SLC10A7: variants seen among roughly 807,000 people sequenced by gnomAD.
SLC10A7 encodes the protein solute carrier family 10 member 7, also known as sodium/bile acid cotransporter 7.
In SLC10A7, 29 loss-of-function variants were observed where a neutral mutation model predicts 43.2. The observed-to-expected ratio is 0.67, with a 90% CI of 0.50 to 0.92. The LOEUF is 0.92. SLC10A7 is among the 40% of genes least tolerant of loss of function. The pLI is 0.00. For synonymous variants in SLC10A7, 152 were observed against 144.8 expected, an observed-to-expected ratio of 1.05 and a Z score of -0.35; for missense variants, 295 against 403.2, an observed-to-expected ratio of 0.73 and a Z score of 2.30.
At chr4:146,443,844 T>A (rs1048645485) in intron 4 of SLC10A7, among the ~76,000 whole-genome samples, 2 of 152,194 alleles carry the variant, frequency 1.3e-5, no homozygotes, top group Admixed American at 6.5e-5. Flanking sequence ...CTATTCCAGT[T>A]CATAATTAAT....
At chr4:146,348,089 A>T (rs148678565) in intron 5 of SLC10A7, among the ~76,000 whole-genome samples, 1 of 152,172 alleles carries the variant, frequency 6.6e-6, no homozygotes, top group Non-Finnish European at 1.5e-5. Flanking sequence ...AAAATAACTA[A>T]TGGGGGTCAC....
At chr4:146,335,698 C>T (rs77777995) in intron 5 of SLC10A7, among the ~76,000 whole-genome samples, 9,614 of 151,996 alleles carry the variant, frequency 0.063, 396 homozygotes, top group South Asian at 0.18. Flanking sequence ...TATTTCCATA[C>T]AAGGAAATGA....
chr4:146,346,141 T>C (rs111297420), intron 5 of SLC10A7, among the ~76,000 whole-genome samples: 2,031 of 152,256 alleles, frequency 0.013, 15 homozygotes, highest in Non-Finnish European at 0.019. Flanking sequence ...TTCAAAATTA[T>C]TCCTCATAGA....
intron 5 of SLC10A7, among the ~76,000 whole-genome samples, chr4:146,365,346 G>A (rs1736320733): frequency 6.6e-6 from 1 of 151,878 alleles, no homozygotes; most frequent in Non-Finnish European, 1.5e-5. Context: ...ATTTTTATCT[G>A]GATACTTAAC....
chr4:146,257,983 G>A (rs1363452428), intron 11 of SLC10A7, among the ~76,000 whole-genome samples: 1 of 152,188 alleles, frequency 6.6e-6, no homozygotes, highest in Non-Finnish European at 1.5e-5. Context: ...ACTACTTTGT[G>A]AATAGACAAA....
At chr4:146,509,763 A>G (rs1012537452) in intron 3 of SLC10A7, 150 bp downstream of exon 3, 5 of 594,194 alleles carry the variant, frequency 8.4e-6, no homozygotes, top group African/African-American at 3.8e-5. Context: ...TTGATGAAAT[A>G]CTATTGTTTT....
chr4:146,461,016 C>T (rs1732482443), intron 4 of SLC10A7, among the ~76,000 whole-genome samples: 1 of 151,870 alleles, frequency 6.6e-6, no homozygotes, highest in Non-Finnish European at 1.5e-5. Flanking sequence ...GTTACTACTT[C>T]CTAACTAAGA....
chr4:146,303,614 A>T (rs1731314001), intron 7 of SLC10A7, among the ~76,000 whole-genome samples: 1 of 152,122 alleles, frequency 6.6e-6, no homozygotes, highest in Non-Finnish European at 1.5e-5. Context: ...TCCTGACCTC[A>T]GGTGATCCGC....
intron 7 of SLC10A7, among the ~76,000 whole-genome samples, chr4:146,301,957 A>G (rs913021207): frequency 1.3e-5 from 2 of 152,180 alleles, no homozygotes; most frequent in Admixed American, 6.5e-5. Flanking sequence ...AATTTACTGA[A>G]TACTTTACTA....
intron 5 of SLC10A7, chr4:146,442,038 AAT>A (rs1730642655): frequency 2.0e-6 from 2 of 977,642 alleles, no homozygotes; most frequent in Non-Finnish European, 2.4e-6. Context: ...CAAAAAATAC[AAT>A]ATGATAATTA....
intron 4 of SLC10A7, among the ~76,000 whole-genome samples, chr4:146,449,159 C>A (rs1206936041): frequency 2.0e-5 from 3 of 152,078 alleles, no homozygotes; most frequent in African/African-American, 7.2e-5. Context: ...ACATTCTCAC[C>A]CAGTGCATTT....
At chr4:146,353,972 T>C (rs369192492) in intron 5 of SLC10A7, among the ~76,000 whole-genome samples, 1 of 146,362 alleles carries the variant, frequency 6.8e-6, no homozygotes, top group Non-Finnish European at 1.5e-5. Flanking sequence ...CTTTGAAAAC[T>C]GGCACAAGAC....
At chr4:146,375,823 C>G (rs542360322) in intron 5 of SLC10A7, among the ~76,000 whole-genome samples, 1 of 152,150 alleles carries the variant, frequency 6.6e-6, no homozygotes, top group Admixed American at 6.5e-5. Context: ...AATTCTATTC[C>G]GGCACTTGGT....
intron 1 of SLC10A7, among the ~76,000 whole-genome samples, chr4:146,521,275 T>C (rs926704532): frequency 6.6e-6 from 1 of 151,892 alleles, no homozygotes; most frequent in Non-Finnish European, 1.5e-5. Context: ...CACTCCAAGA[T>C]AGATACGGAA....
At chr4:146,446,616 T>C (rs939657223) in intron 4 of SLC10A7, among the ~76,000 whole-genome samples, 1 of 151,196 alleles carries the variant, frequency 6.6e-6, no homozygotes, top group African/African-American at 2.4e-5. Flanking sequence ...CCTACTTACA[T>C]GCCTCTCTCC....
At chr4:146,383,222 T>C (rs1244275206) in intron 5 of SLC10A7, among the ~76,000 whole-genome samples, 2 of 152,138 alleles carry the variant, frequency 1.3e-5, no homozygotes, top group Non-Finnish European at 2.9e-5. Context: ...TTGATTCAAG[T>C]AGTACTCTGT....
At chr4:146,495,790 C>A in intron 4 of SLC10A7, among the ~76,000 whole-genome samples, 1 of 151,692 alleles carries the variant, frequency 6.6e-6, no homozygotes, top group African/African-American at 2.4e-5. Flanking sequence ...CACACACACA[C>A]ACACACACAC....
At chr4:146,498,370 G>A (rs912224928) in intron 4 of SLC10A7, among the ~76,000 whole-genome samples, 2 of 151,862 alleles carry the variant, frequency 1.3e-5, no homozygotes, top group Admixed American at 6.6e-5. Context: ...CCCCAGCCTC[G>A]GCCTCCCAAA....
At position 146,254,201 on chromosome 4, in the gene SLC10A7, C is replaced by A. The variant is rs1022757176; in HGVS notation, c.*2290G>T. ...ATACTAAGAAAAAACATGAAAATAC[C>A]AACATTATTACCCATTAAAAAATCT... On this transcript the variant is annotated 3_prime_UTR_variant, in exon 12 of 12. Coordinates refer to ENST00000335472, the MANE Select transcript of SLC10A7 (RefSeq NM_001029998.6). 6.7e-6 allele frequency: 1 copy of A among 150,366 alleles called. No homozygotes were observed. The highest frequency in any genetic ancestry group is 1.5e-5 in the Non-Finnish European group (1 of 67,492). 9.3% of individuals were successfully genotyped at this position (150,366 alleles called of 1,614,324 possible). A position where few individuals can be genotyped will look rare whatever the true frequency, so the allele number is the denominator to read the frequency against.
Sources: gnomAD v4.1 joint callset for allele counts (sites outside exome capture counted in the v4.1 genomes callset) on GRCh38, gnomAD v4.1.1 for gene constraint, MANE v1.5 for transcripts, NCBI Gene and HGNC (gene_info 2026-07-23, HGNC 2026-07-21) for gene names.